The following KALRN variants were observed in gnomAD, a reference collection of about 807,000 sequenced individuals.
KALRN encodes kalirin.
KALRN carries 70 observed loss-of-function variants against 353.7 expected under a neutral mutation model. The observed-to-expected ratio is 0.20, with a 90% CI of 0.16 to 0.24. KALRN has a LOEUF of 0.24. KALRN is among the 10% of genes least tolerant of loss of function. The pLI is 1.00. For synonymous variants in KALRN, 1,391 were observed against 1,434.8 expected (o/e 0.97, Z 0.69); for missense variants, 2,791 against 3,756.7 (o/e 0.74, Z 6.72).
chr3:124,334,122 C>G lies in KALRN; in HGVS notation c.1417-143C>G, dbSNP rs1396611174. 2.9e-6 allele frequency: 2 copies of G among 699,772 alleles called. No homozygotes were observed. The highest frequency in any genetic ancestry group is 4.8e-5 in the Admixed American group (2 of 42,092). 43.3% of individuals were successfully genotyped at this position (699,772 alleles called of 1,614,324 possible). A position where few individuals can be genotyped will look rare whatever the true frequency, so the allele number is the denominator to read the frequency against. ...CCGGAGGATGGGCCCCATGGCAGCTCTGGCTGGCTAGGTGTCTGGGTATGG... is the reference window on the plus strand; with the variant it reads ...CCGGAGGATGGGCCCCATGGCAGCTGTGGCTGGCTAGGTGTCTGGGTATGG... On this transcript the variant is annotated intron_variant, in intron 8 of 59. Coordinates refer to ENST00000682506, the MANE Select transcript of KALRN (RefSeq NM_001388419.1). This position sits in a 1 kb window ranked among gnomAD's most constrained non-coding sequence, Gnocchi z 4.2.
At chr3:124,246,034 A>G (rs1218698617) in intron 3 of KALRN, among the ~76,000 whole-genome samples, 1 of 152,332 alleles carries the variant, frequency 6.6e-6, no homozygotes, top group Non-Finnish European at 1.5e-5. Flanking sequence ...GCAAATGACA[A>G]GATCTCATTC....
chr3:124,715,197 T>C (rs1559886198), intron 58 of KALRN, among the ~76,000 whole-genome samples: 1 of 152,196 alleles, frequency 6.6e-6, no homozygotes, highest in Non-Finnish European at 1.5e-5. Context: ...TGGTTGGACC[T>C]GAAGTTCAGG....
intron 33 of KALRN, among the ~76,000 whole-genome samples, chr3:124,511,788 T>G (rs1184511042): frequency 6.6e-6 from 1 of 152,222 alleles, no homozygotes. Flanking sequence ...TCCAAAATTA[T>G]TTATCTGTCC....
At chr3:124,515,186 G>A (rs571917128) in intron 33 of KALRN, among the ~76,000 whole-genome samples, 3 of 152,240 alleles carry the variant, frequency 2.0e-5, no homozygotes, top group East Asian at 1.9e-4. Context: ...AATGCAAAAC[G>A]TCTCACTATA....
At chr3:124,437,287 C>A (rs969599506) in intron 17 of KALRN, among the ~76,000 whole-genome samples, 3 of 152,254 alleles carry the variant, frequency 2.0e-5, no homozygotes, top group Non-Finnish European at 4.4e-5. Context: ...GGTGACAGAT[C>A]TTCTCATGAC....
intron 13 of KALRN, among the ~76,000 whole-genome samples, chr3:124,402,917 G>C (rs766588737): frequency 2.6e-5 from 4 of 152,240 alleles, no homozygotes; most frequent in Middle Eastern, 3.4e-3. Context: ...GTTCTCTTGT[G>C]CTTTCATGAT....
At chr3:124,701,026 G>GA (rs1450377715) in intron 56 of KALRN, among the ~76,000 whole-genome samples, 1 of 152,218 alleles carries the variant, frequency 6.6e-6, no homozygotes, top group Non-Finnish European at 1.5e-5. Context: ...TGTGCTCTGG[G>GA]AAACCTGAGG....
intron 1 of KALRN, among the ~76,000 whole-genome samples, chr3:124,086,082 T>C (rs2060801958): frequency 6.6e-6 from 1 of 152,224 alleles, no homozygotes; most frequent in South Asian, 2.1e-4. Context: ...TGTCATAGTT[T>C]ATCTTATTAG....
At chr3:124,342,281 T>C (rs2081828761) in intron 9 of KALRN, among the ~76,000 whole-genome samples, 1 of 152,154 alleles carries the variant, frequency 6.6e-6, no homozygotes, top group African/African-American at 2.4e-5. Flanking sequence ...TAACATATAT[T>C]GTACTCATTA....
At chr3:124,314,159 A>G (rs2078569880) in intron 6 of KALRN, among the ~76,000 whole-genome samples, 2 of 152,152 alleles carry the variant, frequency 1.3e-5, no homozygotes, top group South Asian at 2.1e-4. Flanking sequence ...ACCATGGAAT[A>G]CTAGGCGGCC....
At chr3:124,373,417 G>A (rs2086144032) in intron 10 of KALRN, among the ~76,000 whole-genome samples, 2 of 152,190 alleles carry the variant, frequency 1.3e-5, no homozygotes, top group Admixed American at 1.3e-4. Flanking sequence ...CAGTGCACAG[G>A]ACAGCCCGTG....
intron 34 of KALRN, among the ~76,000 whole-genome samples, chr3:124,577,892 AAACCC>A (rs2074276918): frequency 1.3e-5 from 2 of 151,634 alleles, no homozygotes; most frequent in East Asian, 2.0e-4. Flanking sequence ...CAAACAAACA[AAACCC>A]CCCACCATAT....
intron 10 of KALRN, among the ~76,000 whole-genome samples, chr3:124,352,351 T>G (rs2082918975): frequency 6.6e-6 from 1 of 152,224 alleles, no homozygotes; most frequent in Non-Finnish European, 1.5e-5. Context: ...AGTATTCAAG[T>G]GCCTGTGGTT....
intron 33 of KALRN, among the ~76,000 whole-genome samples, chr3:124,522,046 A>C (rs2067206946): frequency 6.6e-6 from 1 of 152,056 alleles, no homozygotes; most frequent in Non-Finnish European, 1.5e-5. Flanking sequence ...AAAAATAAGA[A>C]AGGAAGGTAG....
intron 1 of KALRN, among the ~76,000 whole-genome samples, chr3:124,064,250 G>A (rs1316527089): frequency 6.6e-6 from 1 of 152,120 alleles, no homozygotes; most frequent in African/African-American, 2.4e-5. Context: ...CTGAGCTCAG[G>A]AGGTGATTCT....
intron 3 of KALRN, among the ~76,000 whole-genome samples, chr3:124,239,137 G>A (rs1223939212): frequency 6.6e-6 from 1 of 152,158 alleles, no homozygotes; most frequent in South Asian, 2.1e-4. Flanking sequence ...TTACTTGTAC[G>A]TGAAAGGAGT....
intron 33 of KALRN, among the ~76,000 whole-genome samples, chr3:124,514,572 G>A (rs1411523995): frequency 1.3e-5 from 2 of 152,110 alleles, no homozygotes; most frequent in African/African-American, 4.8e-5. Context: ...ATTCTTCAAG[G>A]TAAGTATCAT....
At chr3:124,556,338 T>G (rs547849273) in intron 33 of KALRN, among the ~76,000 whole-genome samples, 1 of 152,246 alleles carries the variant, frequency 6.6e-6, no homozygotes, top group African/African-American at 2.4e-5. Context: ...ACATACAAAC[T>G]GATGAAATCC....
At chr3:124,094,481 A>C (rs919859105) in intron 1 of KALRN, among the ~76,000 whole-genome samples, 11 of 152,184 alleles carry the variant, frequency 7.2e-5, no homozygotes, top group African/African-American at 2.2e-4. Context: ...TGCTGGAAAA[A>C]ATTTAAGACA....
Sources: allele counts gnomAD v4.1 joint callset (sites outside exome capture counted in the v4.1 genomes callset), GRCh38; gene constraint gnomAD v4.1.1; non-coding constraint Gnocchi (gnomAD v3.1); transcripts MANE v1.5; gene names NCBI Gene and HGNC (gene_info 2026-07-23, HGNC 2026-07-21).